FER1L5: variants seen among roughly 807,000 people sequenced by gnomAD.
The protein encoded by FER1L5 is fer-1 like family member 5.
A neutral mutation model predicts 279.9 loss-of-function variants in FER1L5; 187 were observed. The ratio of observed to expected loss-of-function variants is 0.67; its 90% CI spans 0.59 to 0.75. The LOEUF is 0.75. Ranked by LOEUF, FER1L5 falls within the 30% of genes least tolerant of loss-of-function variation. FER1L5 has a pLI of 0.00. For synonymous variants in FER1L5, 921 were observed against 989.7 expected (o/e 0.93, Z 1.30); for missense variants, 2,091 against 2,594.4 (o/e 0.81, Z 4.21).
Position 96,693,534 on chromosome 2 carries a change from C to T in FER1L5, c.3321C>T (p.Asn1107=). 1.9e-6 allele frequency: 3 copies of T among 1,551,404 alleles called. No homozygotes were observed. The highest frequency in any genetic ancestry group is 2.6e-6 in the Non-Finnish European group (3 of 1,146,876). ...CCTTCATTCGGGTGGTCTTCCTGAA[C>T]CACAGCCAGTGCACCCAAACCCTGA... ...QGPFIRVVFL[N]HSQCTQTLRS... Residue 1107 remains asparagine (N), a synonymous_variant, in exon 32 of 53, where the codon AAC becomes AAT. Coordinates refer to ENST00000624922, the MANE Select transcript of FER1L5 (RefSeq NM_001293083.2).
Position 96,703,232 on chromosome 2 carries a change from C to T in FER1L5, c.5577C>T (p.Ala1859=), listed in dbSNP as rs768498541. 21 of 1,613,922 alleles carry T rather than the reference C, an allele frequency of 1.3e-5. No homozygotes were observed. The highest frequency in any genetic ancestry group is 1.1e-4 in the South Asian group (10 of 91,074). Residue 1859 remains alanine, a synonymous_variant, in exon 50 of 53, where the codon GCC becomes GCT. Coordinates refer to ENST00000624922, the MANE Select transcript of FER1L5 (RefSeq NM_001293083.2). The part of the protein sequence containing the change: ...AKQCSIRMMD[A]DPKWPYFIQY... ...AGTGCTCCATCAGGATGATGGACGC[C>T]GACCCCAAGTGGCCCTATTTCATCC...
At chr2:96,661,101 A>G (rs868068158) in intron 10 of FER1L5, among the ~76,000 whole-genome samples, 18 of 152,330 alleles carry the variant, frequency 1.2e-4, no homozygotes, top group Middle Eastern at 3.4e-3. Flanking sequence ...TTCCCAAGGC[A>G]TAAACAGGGG....
At chr2:96,700,554 G>A (rs2077553755) in intron 45 of FER1L5, 83 bp downstream of exon 45, 1 of 1,580,256 alleles carries the variant, frequency 6.3e-7, no homozygotes, top group Non-Finnish European at 8.6e-7. Context: ...CCAGGACATA[G>A]TCCACGAGAG....
intron 45 of FER1L5, 109 bp downstream of exon 45, chr2:96,700,580 A>C: frequency 7.0e-7 from 1 of 1,421,500 alleles, no homozygotes; most frequent in Non-Finnish European, 9.7e-7. Flanking sequence ...GGACAGGCCA[A>C]ACATTTAGTA....
At position 96,697,380 on chromosome 2, in the gene FER1L5, T is replaced by G. The variant is rs2077419876; in HGVS notation, c.4084-146T>G. 4.9e-6 allele frequency: 4 copies of G among 820,276 alleles called. No individual in the cohort carries two copies. In the Admixed American group the frequency reaches 6.5e-5, roughly 13 times the overall value. The allele number at this position is 820,276 out of a possible 1,614,324, so 50.8% of individuals were successfully genotyped here. ...TCCTTCTTGCTCCCTAGATCCCATT[T>G]CTAAAGACCCCTGAATTAAAAGGTC... On this transcript the variant is annotated intron_variant, in intron 37 of 52. Coordinates refer to ENST00000624922, the MANE Select transcript of FER1L5 (RefSeq NM_001293083.2).
intron 17 of FER1L5, among the ~76,000 whole-genome samples, 162 bp from the exon 18 acceptor site, chr2:96,669,957 C>T (rs1029779843): frequency 6.6e-5 from 10 of 152,232 alleles, no homozygotes; most frequent in Admixed American, 3.9e-4. Flanking sequence ...AGAGGTTTCC[C>T]GGCGTGGAGG....
chr2:96,699,983 A>G lies in FER1L5; in HGVS notation c.4833A>G (p.Glu1611=), dbSNP rs764878307. ...RDQMPPSYLL[E]RYAKRKGLPP... ...AGATGCCCCCAAGCTACCTCCTAGA[A>G]CGCTATGCCAAGCGGAAAGGGCTAC... The change falls in exon 44 of 53, where the codon GAA becomes GAG. Residue 1611 remains glutamate, a synonymous_variant. Transcript: ENST00000624922. 2.5e-6 allele frequency: 4 copies of G among 1,613,834 alleles called. No homozygotes were observed. The highest frequency in any genetic ancestry group is 2.5e-6 in the Non-Finnish European group (3 of 1,179,898).
At chr2:96,643,666 A>G (rs2074982169) in intron 1 of FER1L5, among the ~76,000 whole-genome samples, 2 of 151,482 alleles carry the variant, frequency 1.3e-5, no homozygotes, top group African/African-American at 4.8e-5. Flanking sequence ...GCCTTTTCAT[A>G]TGTACAATGA....
intron 19 of FER1L5, 67 bp from the exon 20 acceptor site, chr2:96,684,260 C>T (rs2076838917): frequency 1.3e-6 from 2 of 1,519,766 alleles, no homozygotes; most frequent in Non-Finnish European, 8.9e-7. Flanking sequence ...TCGGAGGGAG[C>T]ACAGTGAGAA....
chr2:96,659,232 T>G (rs1290790383), intron 9 of FER1L5, among the ~76,000 whole-genome samples: 5 of 151,428 alleles, frequency 3.3e-5, no homozygotes, highest in African/African-American at 1.2e-4. Context: ...TGTCATTTTC[T>G]TAACAGTGTC....
Position 96,662,934 on chromosome 2 carries a change from G to A in FER1L5, c.1072-505G>A, listed in dbSNP as rs1200969762. Among the ~76,000 whole-genome samples the A allele has an allele frequency of 4.6e-5, 7 of 152,184 alleles. No individual in the cohort carries two copies. The South Asian group carries it at 6.2e-4, about 13-fold the overall frequency. On this transcript the variant is annotated intron_variant, in intron 13 of 52. Transcript: ENST00000624922. ...AACGTTCTCAGGTGGTAAGTGACAC[G>A]CAGTTCTCAAAAATTTTGATACTTC...
intron 27 of FER1L5, 127 bp downstream of exon 27, chr2:96,690,716 C>T (rs1391862636): frequency 5.0e-6 from 4 of 792,428 alleles, no homozygotes; most frequent in East Asian, 2.7e-5. Context: ...GCCCCCTGGC[C>T]TCCAGAGCTG....
intron 13 of FER1L5, among the ~76,000 whole-genome samples, 180 bp downstream of exon 13, chr2:96,662,447 GC>G (rs1381770889): frequency 6.6e-6 from 1 of 152,116 alleles, no homozygotes; most frequent in African/African-American, 2.4e-5. Flanking sequence ...TTCTCTGCAT[GC>G]CAGATGCCCC....
chr2:96,669,466 C>T (rs187252560), intron 17 of FER1L5, among the ~76,000 whole-genome samples: 3 of 152,184 alleles, frequency 2.0e-5, no homozygotes, highest in Admixed American at 2.0e-4. Flanking sequence ...TCAGGAATGG[C>T]GGTAAATGCC....
At chr2:96,697,976 C>T (rs1184682766) in intron 39 of FER1L5, 61 bp from the exon 40 acceptor site, 2 of 1,521,372 alleles carry the variant, frequency 1.3e-6, no homozygotes, top group East Asian at 2.5e-5. Flanking sequence ...AGCTGGTGGT[C>T]CCTCCATCTC....
intron 37 of FER1L5, 69 bp from the exon 38 acceptor site, chr2:96,697,457 C>T (rs897201538): frequency 4.5e-6 from 7 of 1,559,062 alleles, no homozygotes; most frequent in East Asian, 2.3e-5. Flanking sequence ...CTCAACCCCC[C>T]TCTCCTCTCT....
rs202038118 is a variant in FER1L5, at chr2:96,695,920, C to G, written c.4057+16C>G. ...AAGCTTCCAAGTACGGCCCTTCCTC[C>G]GTGCCTTTCCCCAGGCCTCACAAGC... On this transcript the variant is annotated intron_variant, in intron 36 of 52. Transcript: ENST00000624922. The G allele has an allele frequency of 6.2e-7, 1 of 1,612,394 alleles. No individual in the cohort carries two copies. The highest frequency in any genetic ancestry group is 1.7e-5 in the Admixed American group (1 of 59,824).
At chr2:96,645,807 A>T (rs1322762750) in intron 1 of FER1L5, among the ~76,000 whole-genome samples, 4 of 152,060 alleles carry the variant, frequency 2.6e-5, no homozygotes, top group African/African-American at 9.7e-5. Flanking sequence ...CACAAAAGAA[A>T]AGTAAAGAAA....
Position 96,660,325 on chromosome 2 carries a change from A to T in FER1L5, c.748-16A>T. On this transcript the variant is annotated splice_polypyrimidine_tract_variant and intron_variant, in intron 9 of 52. Coordinates refer to ENST00000624922, the MANE Select transcript of FER1L5 (RefSeq NM_001293083.2). ...GCAGGCCCTAACTAATCCTCACCCCACTGTTGTCTTTTCAGACAGATATTG... is the reference window on the plus strand; with the variant it reads ...GCAGGCCCTAACTAATCCTCACCCCTCTGTTGTCTTTTCAGACAGATATTG... 1 of 1,551,618 alleles carries T rather than the reference A, an allele frequency of 6.4e-7. No homozygotes were observed. The highest frequency in any genetic ancestry group is 2.0e-5 in the Admixed American group (1 of 50,996).
Sources: gnomAD v4.1 joint callset for allele counts (sites outside exome capture counted in the v4.1 genomes callset) on GRCh38, gnomAD v4.1.1 for gene constraint, MANE v1.5 for transcripts, NCBI Gene and HGNC (gene_info 2026-07-23, HGNC 2026-07-21) for gene names.